AOPEP: variants seen among roughly 807,000 people sequenced by gnomAD.
AOPEP encodes the protein aminopeptidase O.
AOPEP carries 77 observed loss-of-function variants against 98.1 expected under a neutral mutation model. The ratio of observed to expected loss-of-function variants is 0.78; its 90% CI spans 0.65 to 0.95. AOPEP has a LOEUF of 0.95. Among genes scored for constraint, AOPEP ranks in the 40% least tolerant of loss-of-function variants. The probability of loss-of-function intolerance (pLI) is 0.00; values close to 1 mark genes in which losing one functional copy is unlikely to be tolerated. For synonymous variants in AOPEP, 346 were observed against 365.3 expected (o/e 0.95, Z 0.60); for missense variants, 1,024 against 1,024.7 (o/e 1.00, Z 0.01).
At chr9:94,740,091 G>A (rs1028119783) in intron 1 of AOPEP, among the ~76,000 whole-genome samples, 3 of 152,164 alleles carry the variant, frequency 2.0e-5, no homozygotes, top group African/African-American at 4.8e-5. Context: ...AGGAAGCACC[G>A]GGATTGGTCA....
intron 5 of AOPEP, among the ~76,000 whole-genome samples, chr9:94,807,041 A>T (rs565727159): frequency 7.9e-5 from 12 of 152,208 alleles, no homozygotes; most frequent in East Asian, 3.9e-4. Flanking sequence ...CCACACAGAA[A>T]CCATACTGAC....
chr9:94,847,127 T>TACACGCACACAC (rs2042951325), intron 5 of AOPEP, among the ~76,000 whole-genome samples: 1 of 125,142 alleles, frequency 8.0e-6, no homozygotes, highest in Non-Finnish European at 1.8e-5. Flanking sequence ...GTTCCCTTTG[T>TACACGCACACAC]ACACACACAC....
intron 5 of AOPEP, among the ~76,000 whole-genome samples, chr9:94,840,284 ATGTTG>A (rs2042124723): frequency 1.3e-5 from 2 of 152,192 alleles, no homozygotes; most frequent in Non-Finnish European, 2.9e-5. Flanking sequence ...GGCTGTCAAT[ATGTTG>A]GATTACAGTG....
the AOPEP span, among the ~76,000 whole-genome samples, chr9:95,095,600 T>C: frequency 6.6e-6 from 1 of 152,218 alleles, no homozygotes; most frequent in Non-Finnish European, 1.5e-5. Context: ...TTTACCCACC[T>C]TTTCTCCTGT....
intron 7 of AOPEP, among the ~76,000 whole-genome samples, chr9:94,940,678 G>A (rs928406650): frequency 7.9e-5 from 12 of 152,160 alleles, no homozygotes; most frequent in South Asian, 6.2e-4. Flanking sequence ...TACTTAACAC[G>A]TTTGATGCTA....
chr9:94,777,557 G>A (rs1425721601), intron 3 of AOPEP, among the ~76,000 whole-genome samples: 1 of 146,322 alleles, frequency 6.8e-6, no homozygotes, highest in Non-Finnish European at 1.5e-5. Context: ...GAAAAGGCAA[G>A]CCACATATAC....
chr9:95,118,663 A>G, the AOPEP span, among the ~76,000 whole-genome samples: 2,070 of 152,270 alleles, frequency 0.014, 42 homozygotes, highest in African/African-American at 0.047. Context: ...AGGGAACATA[A>G]AGTATGTTTT....
chr9:95,016,244 G>GTTT (rs1434155061), intron 13 of AOPEP, among the ~76,000 whole-genome samples: 1 of 101,362 alleles, frequency 9.9e-6, no homozygotes, highest in Non-Finnish European at 2.0e-5. Flanking sequence ...CTTCTCTTGT[G>GTTT]ATTTTTTTTT....
intron 4 of AOPEP, among the ~76,000 whole-genome samples, chr9:94,797,506 TGA>T (rs1847248540): frequency 6.6e-6 from 1 of 152,096 alleles, no homozygotes; most frequent in East Asian, 1.9e-4. Context: ...GCTTATGTGC[TGA>T]GTTATCATAG....
At chr9:94,945,035 A>C (rs1203359066) in intron 7 of AOPEP, among the ~76,000 whole-genome samples, 1 of 152,186 alleles carries the variant, frequency 6.6e-6, no homozygotes, top group African/African-American at 2.4e-5. Flanking sequence ...AAATTAGGGC[A>C]GGAGGCGACT....
intron 13 of AOPEP, among the ~76,000 whole-genome samples, chr9:95,036,444 G>A (rs1224118835): frequency 2.0e-5 from 3 of 152,170 alleles, no homozygotes; most frequent in African/African-American, 7.2e-5. Flanking sequence ...AAGAATCATA[G>A]TTGGGGGTTG....
At chr9:95,086,633 A>T (rs1320050164) in intron 16 of AOPEP, 49 bp from the exon 17 acceptor site, 1 of 987,174 alleles carries the variant, frequency 1.0e-6, no homozygotes, top group Non-Finnish European at 1.2e-6. Context: ...GCTCACAAGA[A>T]TTCCTCCCGG....
downstream of AOPEP, among the ~76,000 whole-genome samples, chr9:95,089,884 A>C (rs1264382271): frequency 1.3e-5 from 2 of 152,236 alleles, no homozygotes. Flanking sequence ...TGACAGGAAC[A>C]ACCTTCTTTA....
At chr9:94,855,486 C>T (rs780559996) in intron 5 of AOPEP, among the ~76,000 whole-genome samples, 1 of 151,848 alleles carries the variant, frequency 6.6e-6, no homozygotes, top group East Asian at 2.0e-4. Flanking sequence ...GTCGGGAGTT[C>T]GAGACCAGCC....
intron 13 of AOPEP, among the ~76,000 whole-genome samples, chr9:95,006,901 AT>A (rs559290637): frequency 0.063 from 8,095 of 128,608 alleles, 571 homozygotes; most frequent in African/African-American, 0.2. Context: ...GTTGCTGTTA[AT>A]TTTTTTTTTT....
At chr9:94,983,951 G>C (rs1348308905) in intron 11 of AOPEP, among the ~76,000 whole-genome samples, 1 of 149,112 alleles carries the variant, frequency 6.7e-6, no homozygotes, top group Non-Finnish European at 1.5e-5. Flanking sequence ...ATTAACAGTA[G>C]ATGCTCAGGA....
chr9:94,880,367 C>CTTTTCTTTTTTTTTTTTTTT (rs2047436006), intron 5 of AOPEP, among the ~76,000 whole-genome samples: 1 of 138,554 alleles, frequency 7.2e-6, no homozygotes, highest in Non-Finnish European at 1.6e-5. Context: ...TTCTTTTTTT[C>CTTTTCTTTTTTTTTTTTTTT]TTTTCTTTTT....
chr9:95,033,624 A>G (rs2064519953), intron 13 of AOPEP, among the ~76,000 whole-genome samples: 1 of 152,224 alleles, frequency 6.6e-6, no homozygotes, highest in South Asian at 2.1e-4. Flanking sequence ...GGTTAATTAT[A>G]TGACGCTATA....
At chr9:94,882,136 T>C (rs1250629359) in intron 5 of AOPEP, among the ~76,000 whole-genome samples, 1 of 152,216 alleles carries the variant, frequency 6.6e-6, no homozygotes, top group African/African-American at 2.4e-5. Flanking sequence ...CACAAGCTCT[T>C]ACTTTGTAAG....
Sources: allele counts gnomAD v4.1 joint callset (sites outside exome capture counted in the v4.1 genomes callset), GRCh38; gene constraint gnomAD v4.1.1; transcripts MANE v1.5; gene names NCBI Gene and HGNC (gene_info 2026-07-23, HGNC 2026-07-21).